The following RPS6KA5 variants were observed in gnomAD, a reference collection of about 807,000 sequenced individuals.
The protein encoded by RPS6KA5 is ribosomal protein S6 kinase alpha-5.
Under a neutral mutation model 85.5 loss-of-function variants are expected in RPS6KA5, and 27 were observed. The observed-to-expected ratio is 0.32, with a 90% CI of 0.23 to 0.44. The LOEUF (loss-of-function observed/expected upper bound fraction) is 0.44. RPS6KA5 is among the 20% of genes least tolerant of loss of function. The pLI is 1.00. For synonymous variants in RPS6KA5, 334 were observed against 348.2 expected (o/e 0.96, Z 0.46); for missense variants, 811 against 980.9 (o/e 0.83, Z 2.31).
At chr14:90,895,532 T>C (rs1205470373) in intron 12 of RPS6KA5, among the ~76,000 whole-genome samples, 1 of 152,194 alleles carries the variant, frequency 6.6e-6, no homozygotes, top group Non-Finnish European at 1.5e-5. Context: ...GTTATATGTT[T>C]ACCATCCTTT....
At chr14:90,923,656 G>C (rs764181056) in intron 5 of RPS6KA5, among the ~76,000 whole-genome samples, 2 of 152,068 alleles carry the variant, frequency 1.3e-5, no homozygotes, top group Non-Finnish European at 2.9e-5. Context: ...GAAGGGGTAG[G>C]AAAGACCAAA....
chr14:90,889,199 C>G (rs995560292), intron 14 of RPS6KA5, among the ~76,000 whole-genome samples: 10 of 145,812 alleles, frequency 6.9e-5, no homozygotes, highest in African/African-American at 2.3e-4. Context: ...GAGGCTGAGG[C>G]AGGAGAATCG....
intron 2 of RPS6KA5, among the ~76,000 whole-genome samples, chr14:91,000,412 A>C (rs1020205621): frequency 6.6e-6 from 1 of 152,202 alleles, no homozygotes; most frequent in Non-Finnish European, 1.5e-5. Flanking sequence ...AACTGAGTTG[A>C]ACAAAGATTG....
intron 3 of RPS6KA5, among the ~76,000 whole-genome samples, chr14:90,953,850 G>A (rs1388725680): frequency 6.6e-6 from 1 of 152,142 alleles, no homozygotes; most frequent in Non-Finnish European, 1.5e-5. Context: ...GTTTTCTTTT[G>A]TTTAAGATGT....
At position 90,897,025 on chromosome 14, in the gene RPS6KA5, T is replaced by C. The variant is rs149780421; in HGVS notation, c.1473+2304A>G. Among the ~76,000 whole-genome samples, 874 of 152,282 alleles carry C rather than the reference T, an allele frequency of 5.7e-3. 5 individuals carry two copies. Among genetic ancestry groups the C allele is most frequent in the Non-Finnish European group, 9.3e-3 (632 of 68,018 alleles). On this transcript the variant is annotated intron_variant, in intron 12 of 16. Transcript: ENST00000614987. The stretch of plus-strand genomic sequence containing the variant: ...GGCATGAGCCAGGTCCGCAACTTTT[T>C]TGGCACCAGGAAATGGTTTCACGGA...
At chr14:90,875,056 C>G in intron 15 of RPS6KA5, 145 bp downstream of exon 15, 2 of 758,760 alleles carry the variant, frequency 2.6e-6, no homozygotes, top group Non-Finnish European at 4.2e-6. Context: ...GATAAGAAAA[C>G]AAGGCTGAAG....
intron 3 of RPS6KA5, among the ~76,000 whole-genome samples, chr14:90,961,559 A>G (rs1274103892): frequency 2.0e-5 from 3 of 152,176 alleles, no homozygotes; most frequent in Admixed American, 1.3e-4. Context: ...ATAATTCTAT[A>G]TATCTTATAT....
chr14:90,989,400 C>T (rs1194311613), intron 2 of RPS6KA5, among the ~76,000 whole-genome samples: 1 of 152,162 alleles, frequency 6.6e-6, no homozygotes, highest in African/African-American at 2.4e-5. Flanking sequence ...TTGGCTGCAT[C>T]CTTTACTCTT....
intron 2 of RPS6KA5, among the ~76,000 whole-genome samples, chr14:90,999,569 A>G (rs2040691565): frequency 6.6e-6 from 1 of 152,190 alleles, no homozygotes; most frequent in African/African-American, 2.4e-5. Flanking sequence ...GAGAAAAATG[A>G]CAGAAGCCAG....
rs1417350812 is a variant in RPS6KA5, at chr14:90,971,400, C to T, written c.394+6906G>A. On this transcript the variant is annotated intron_variant, in intron 3 of 16. Coordinates refer to ENST00000614987, the MANE Select transcript of RPS6KA5 (RefSeq NM_004755.4). Reference sequence around the variant, plus strand: ...AAAGAGACCTTAAGGCTTGCAAAGCCTAAAATATTTACCATCTAGCCCTTC... The same window carrying T: ...AAAGAGACCTTAAGGCTTGCAAAGCTTAAAATATTTACCATCTAGCCCTTC... Among the ~76,000 whole-genome samples the T allele has an allele frequency of 2.6e-5, 4 of 152,262 alleles. No homozygotes were observed. The East Asian group carries it at 7.7e-4, about 29-fold the overall frequency.
chr14:90,898,926 C>CA (rs1250383555), intron 12 of RPS6KA5, among the ~76,000 whole-genome samples: 1 of 152,160 alleles, frequency 6.6e-6, no homozygotes, highest in Admixed American at 6.5e-5. Flanking sequence ...CAGGCTCTCT[C>CA]AGTTTTACTC....
chr14:91,005,109 C>CAT (rs1287097936), intron 1 of RPS6KA5, among the ~76,000 whole-genome samples: 2 of 152,180 alleles, frequency 1.3e-5, no homozygotes, highest in African/African-American at 4.8e-5. Flanking sequence ...TAATTCCAGT[C>CAT]ATTACAGTTT....
Position 90,852,045 on chromosome 14 carries a change from C to G in RPS6KA5, c.*20029G>C, listed in dbSNP as rs2032021612. On this transcript the variant is annotated 3_prime_UTR_variant, in exon 17 of 17. Transcript: ENST00000614987. ...ATAAAAACGTGGCATTCATCTACAGCAAAGACAAATTATCGGTATCTTTTC... is the reference window on the plus strand; with the variant it reads ...ATAAAAACGTGGCATTCATCTACAGGAAAGACAAATTATCGGTATCTTTTC... 6.8e-6 allele frequency: 1 copy of G among 147,230 alleles called. No individual in the cohort carries two copies. 9.1% of individuals were successfully genotyped at this position (147,230 alleles called of 1,614,324 possible).
At chr14:90,949,517 T>C (rs1383971881) in intron 3 of RPS6KA5, among the ~76,000 whole-genome samples, 1 of 152,234 alleles carries the variant, frequency 6.6e-6, no homozygotes, top group African/African-American at 2.4e-5. Flanking sequence ...GTATTAACAA[T>C]TGAACACAAA....
At chr14:90,953,927 C>G (rs1247362637) in intron 3 of RPS6KA5, among the ~76,000 whole-genome samples, 2 of 152,160 alleles carry the variant, frequency 1.3e-5, no homozygotes, top group African/African-American at 2.4e-5. Flanking sequence ...TGCCCTTGTC[C>G]TGTTTCCTCA....
At position 90,898,548 on chromosome 14, in the gene RPS6KA5, G is replaced by A. The variant is rs141335839; in HGVS notation, c.1473+781C>T. Among the ~76,000 whole-genome samples, 261 of 152,314 alleles carry A rather than the reference G, an allele frequency of 1.7e-3. 1 individual carries two copies. The highest frequency in any genetic ancestry group is 6.0e-3 in the African/African-American group (248 of 41,574). The stretch of plus-strand genomic sequence containing the variant: ...CGCATTGACATGCTATGTGACCTTA[G>A]ACAAGTTTTATGAACATTCAAAATC... On this transcript the variant is annotated intron_variant, in intron 12 of 16. Coordinates refer to ENST00000614987, the MANE Select transcript of RPS6KA5 (RefSeq NM_004755.4).
chr14:91,044,296 AG>A (rs1361223020), intron 1 of RPS6KA5, among the ~76,000 whole-genome samples: 1 of 65,884 alleles, frequency 1.5e-5, no homozygotes, highest in African/African-American at 6.4e-5. Flanking sequence ...AGAGAGAGAA[AG>A]AGAGAGAAAG....
chr14:90,896,938 G>A (rs537562611), intron 12 of RPS6KA5, among the ~76,000 whole-genome samples: 1 of 152,158 alleles, frequency 6.6e-6, no homozygotes, highest in South Asian at 2.1e-4. Flanking sequence ...GGCCAGACTG[G>A]TCTCAAACTC....
intron 8 of RPS6KA5, among the ~76,000 whole-genome samples, chr14:90,903,618 C>T (rs186030976): frequency 1.3e-5 from 2 of 152,292 alleles, no homozygotes; most frequent in Admixed American, 1.3e-4. Context: ...GCCCCTTTTC[C>T]CTCTAGGTCA....
Sources: gnomAD v4.1 joint callset for allele counts (sites outside exome capture counted in the v4.1 genomes callset) on GRCh38, gnomAD v4.1.1 for gene constraint, MANE v1.5 for transcripts, NCBI Gene and HGNC (gene_info 2026-07-23, HGNC 2026-07-21) for gene names.